The following TRPM3 variants were observed in gnomAD, a reference collection of about 807,000 sequenced individuals.
TRPM3 encodes transient receptor potential cation channel subfamily M member 3, also known as long transient receptor potential channel 3.
Under a neutral mutation model 181.2 loss-of-function variants are expected in TRPM3, and 77 were observed. The ratio of observed to expected loss-of-function variants is 0.42; its 90% CI spans 0.35 to 0.51. The LOEUF is 0.51. Among genes scored for constraint, TRPM3 ranks in the 20% least tolerant of loss-of-function variants. TRPM3 has a pLI of 0.01. For missense variants in TRPM3, 1,759 were observed against 2,196.7 expected (o/e 0.80, Z 3.98); for synonymous variants, 745 against 796.4 (o/e 0.94, Z 1.09).
At chr9:71,238,424 G>T (rs2081485146) in intron 1 of TRPM3, among the ~76,000 whole-genome samples, 1 of 152,048 alleles carries the variant, frequency 6.6e-6, no homozygotes, top group Admixed American at 6.6e-5. Context: ...AGGCTATGGT[G>T]CCCCCCTACT....
chr9:71,386,277 C>T lies in TRPM3; in HGVS notation c.183+60376G>A, dbSNP rs1372311154. Among the ~76,000 whole-genome samples the T allele has an allele frequency of 2.6e-5, 4 of 151,580 alleles. No individual in the cohort carries two copies. In the South Asian group the frequency reaches 6.3e-4, roughly 24 times the overall value. On this transcript the variant is annotated intron_variant, in intron 1 of 24. Transcript: ENST00000357533. The stretch of plus-strand genomic sequence containing the variant: ...CATCCTGGCCAACATGGTGAAACCC[C>T]ATCTCTACTAAAATACAAAAAATTA...
chr9:70,759,010 A>G (rs2077591116), intron 8 of TRPM3, among the ~76,000 whole-genome samples: 1 of 152,262 alleles, frequency 6.6e-6, no homozygotes, highest in South Asian at 2.1e-4. Context: ...GAGCTTCTGC[A>G]TAGCAAAAGA....
intron 8 of TRPM3, among the ~76,000 whole-genome samples, chr9:70,686,678 CTTCCTTCT>C (rs1366965176): frequency 1.2e-5 from 1 of 84,054 alleles, no homozygotes; most frequent in African/African-American, 4.8e-5. Flanking sequence ...CTGGAAACTC[CTTCCTTCT>C]TTCCTTCCTT....
intron 1 of TRPM3, among the ~76,000 whole-genome samples, chr9:71,429,497 A>C (rs776572411): frequency 5.3e-5 from 8 of 152,240 alleles, no homozygotes; most frequent in Non-Finnish European, 7.3e-5. Context: ...CATGGAGTCC[A>C]ACATGGGTAA....
At chr9:71,187,089 G>A (rs1429637174) in intron 1 of TRPM3, among the ~76,000 whole-genome samples, 6 of 151,910 alleles carry the variant, frequency 3.9e-5, no homozygotes, top group Admixed American at 6.6e-5. Context: ...ATGAACTCAC[G>A]AAATCTTTAA....
intron 1 of TRPM3, among the ~76,000 whole-genome samples, chr9:71,155,238 A>G (rs2075929669): frequency 6.6e-6 from 1 of 152,128 alleles, no homozygotes; most frequent in African/African-American, 2.4e-5. Flanking sequence ...AAACTGAACA[A>G]AAGTCTATCC....
chr9:70,548,685 C>G (rs890533943), intron 25 of TRPM3, among the ~76,000 whole-genome samples: 2 of 152,198 alleles, frequency 1.3e-5, no homozygotes, highest in East Asian at 3.8e-4. Flanking sequence ...TCTGGGTGTT[C>G]TTCGGAACAG....
chr9:70,691,991 G>C (rs568935821), intron 8 of TRPM3, among the ~76,000 whole-genome samples: 1 of 152,238 alleles, frequency 6.6e-6, no homozygotes, highest in African/African-American at 2.4e-5. Context: ...ATGGCTTTAG[G>C]CTGCTAAAAG....
At chr9:71,086,002 A>G (rs1282860809) in intron 1 of TRPM3, among the ~76,000 whole-genome samples, 3 of 152,152 alleles carry the variant, frequency 2.0e-5, no homozygotes, top group Non-Finnish European at 4.4e-5. Flanking sequence ...TACACCATAG[A>G]ATGCCACACA....
intron 1 of TRPM3, among the ~76,000 whole-genome samples, chr9:71,311,858 G>A (rs985927840): frequency 6.6e-6 from 1 of 151,984 alleles, no homozygotes; most frequent in Non-Finnish European, 1.5e-5. Context: ...ATCTTATCAT[G>A]TTTTAAGAAA....
At chr9:71,113,354 G>C (rs1042044360) in intron 1 of TRPM3, among the ~76,000 whole-genome samples, 7 of 152,176 alleles carry the variant, frequency 4.6e-5, no homozygotes, top group African/African-American at 1.7e-4. Context: ...CACAAACCCA[G>C]GTTTTCCAGT....
At chr9:71,311,120 A>G (rs2087888961) in intron 1 of TRPM3, among the ~76,000 whole-genome samples, 1 of 152,106 alleles carries the variant, frequency 6.6e-6, no homozygotes, top group Non-Finnish European at 1.5e-5. Context: ...GAAAATATAA[A>G]AAAGAAAATA....
At chr9:71,209,552 C>T (rs984673656) in intron 1 of TRPM3, among the ~76,000 whole-genome samples, 1 of 152,116 alleles carries the variant, frequency 6.6e-6, no homozygotes, top group African/African-American at 2.4e-5. Context: ...AATATTGGCA[C>T]ACCAAAAACA....
intron 1 of TRPM3, among the ~76,000 whole-genome samples, chr9:70,887,522 T>C (rs1325231283): frequency 2.6e-5 from 4 of 152,222 alleles, no homozygotes; most frequent in East Asian, 1.9e-4. Context: ...ATGATATTTA[T>C]GCCAGCATGA....
rs139279423 is a variant in TRPM3, at chr9:70,903,054, G to A, written c.178-38543C>T. 4.7e-4 allele frequency among the ~76,000 whole-genome samples: 71 copies of A among 152,254 alleles called. 1 individual carries two copies. The highest frequency in any genetic ancestry group is 1.3e-3 in the African/African-American group (56 of 41,526). Reference sequence around the variant, plus strand: ...TAAAGATGTTATCCACTAGGCTGGCGAGGGAAAAATTACAGCCGGAACTCT... The same window carrying A: ...TAAAGATGTTATCCACTAGGCTGGCAAGGGAAAAATTACAGCCGGAACTCT... On this transcript the variant is annotated intron_variant, in intron 1 of 25. Transcript: ENST00000677713.
chr9:71,284,341 G>A (rs1001036780), intron 1 of TRPM3, among the ~76,000 whole-genome samples: 2 of 152,030 alleles, frequency 1.3e-5, no homozygotes, highest in African/African-American at 2.4e-5. Flanking sequence ...AATCCTTCAG[G>A]TAGTTTGTCT....
intron 25 of TRPM3, among the ~76,000 whole-genome samples, chr9:70,540,406 A>T (rs796115707): frequency 3.3e-5 from 5 of 152,312 alleles, no homozygotes; most frequent in African/African-American, 1.2e-4. Flanking sequence ...GAGTGCTGTG[A>T]AGTATCTCCT....
intron 1 of TRPM3, among the ~76,000 whole-genome samples, chr9:70,938,404 C>T (rs1419803392): frequency 3.3e-5 from 5 of 152,188 alleles, no homozygotes; most frequent in Admixed American, 6.5e-5. Context: ...TGTACATATG[C>T]TAATGCTAAG....
chr9:70,916,684 C>T (rs1354047577), intron 1 of TRPM3, among the ~76,000 whole-genome samples: 1 of 151,914 alleles, frequency 6.6e-6, no homozygotes, highest in Non-Finnish European at 1.5e-5. Flanking sequence ...AAAAGTCTGG[C>T]TATATATATT....
Sources: gnomAD v4.1 joint callset for allele counts (sites outside exome capture counted in the v4.1 genomes callset) on GRCh38, gnomAD v4.1.1 for gene constraint, MANE v1.5 for transcripts, NCBI Gene and HGNC (gene_info 2026-07-23, HGNC 2026-07-21) for gene names.